RAD54L2: variants seen among roughly 807,000 people sequenced by gnomAD.
RAD54L2 encodes the protein helicase ARIP4.
In RAD54L2, 27 loss-of-function variants were observed where a neutral mutation model predicts 138.4. The ratio of observed to expected loss-of-function variants is 0.20; its 90% confidence interval spans 0.14 to 0.27. The LOEUF is 0.27. Among genes scored for constraint, RAD54L2 ranks in the 10% least tolerant of loss-of-function variants. RAD54L2 has a pLI of 1.00. For missense variants in RAD54L2, 1,396 were observed against 1,890.2 expected, an observed-to-expected ratio of 0.74 and a Z score of 4.85; for synonymous variants, 644 against 723.2, an observed-to-expected ratio of 0.89 and a Z score of 1.76.
Position 51,633,919 on chromosome 3 carries a change from T to G in RAD54L2, c.1026T>G (p.Asn342Lys). The G allele has an allele frequency of 3.1e-6, 5 of 1,613,912 alleles. No homozygotes were observed. The highest frequency in any genetic ancestry group is 2.2e-5 in the East Asian group (1 of 44,888). ...LAIVPVNTLQ[N>K]WLAEFNMWLP... is the part of the protein sequence containing the mutation. ...TCTAATAGGTTAATACTCTTCAGAA[T>G]TGGCTGGCAGAGTTCAACATGTGGC... The change falls in exon 9 of 23, where the codon AAT becomes AAG. Residue 342 changes from asparagine (N) to lysine (K), a missense_variant. Physicochemically the swap from Asn to Lys is moderately conservative, Grantham distance 94. Transcript: ENST00000684192.
At chr3:51,547,282 G>T (rs1057126458) in intron 2 of RAD54L2, among the ~76,000 whole-genome samples, 2 of 151,930 alleles carry the variant, frequency 1.3e-5, no homozygotes, top group Non-Finnish European at 2.9e-5. Context: ...AGATCGAGGC[G>T]GGACGATTGC....
intron 3 of RAD54L2, among the ~76,000 whole-genome samples, chr3:51,613,065 G>T (rs867487845): frequency 2.0e-5 from 3 of 152,118 alleles, no homozygotes; most frequent in Non-Finnish European, 2.9e-5. Flanking sequence ...TCAGCCTCCT[G>T]AGTAACTGGG....
chr3:51,545,931 C>CTTTTTTTTT (rs781819728), intron 2 of RAD54L2, among the ~76,000 whole-genome samples: 2 of 79,454 alleles, frequency 2.5e-5, no homozygotes, highest in African/African-American at 5.1e-5. Flanking sequence ...TACATCAATT[C>CTTTTTTTTT]TTTTTTTTTT....
In RAD54L2 at chr3:51,638,366, C is replaced by T. The variant is rs1250308340; in HGVS notation, c.1860+45C>T. On this transcript the variant is annotated intron_variant, in intron 12 of 22. Transcript: ENST00000684192. The surrounding 1 kb of genome is among the most constrained non-coding windows in gnomAD (Gnocchi z 4.3). ...AAGATTGAGATGGGGACTAAGGATA[C>T]ACATGGTCCCAAGGGAGTTACTCCT... 6.2e-7 allele frequency: 1 copy of T among 1,601,232 alleles called. No homozygotes were observed. Among genetic ancestry groups the T allele is most frequent in the South Asian group, 1.1e-5 (1 of 90,560 alleles).
chr3:51,612,127 A>G lies in RAD54L2; in HGVS notation c.140-15426A>G, dbSNP rs946534970. Among the ~76,000 whole-genome samples, 22 of 152,214 alleles carry G rather than the reference A, an allele frequency of 1.4e-4. 1 individual carries two copies. Among genetic ancestry groups the G allele is most frequent in the African/African-American group, 5.3e-4 (22 of 41,466 alleles). ...TGGATCTTTTCTCATAACTGATGGA[A>G]TAATGAAGTTGAGTGATTGGAGAAA... On this transcript the variant is annotated intron_variant, in intron 3 of 22. Coordinates refer to ENST00000684192, the MANE Select transcript of RAD54L2 (RefSeq NM_015106.4).
chr3:51,660,241 G>A lies in RAD54L2; in HGVS notation c.3409+123G>A, dbSNP rs1701727914. On this transcript the variant is annotated intron_variant, in intron 22 of 22. Transcript: ENST00000684192. ...CATGGTTCACAATTCAGAGTGTACA[G>A]AAAGAGGTAAAGTGAAAAGTAAGTA... 11 of 667,860 alleles carry A rather than the reference G, an allele frequency of 1.6e-5. No individual in the cohort carries two copies. In the East Asian group the frequency reaches 3.1e-4, roughly 19 times the overall value. The allele number at this position is 667,860 out of a possible 1,614,324, so 41.4% of individuals were successfully genotyped here.
intron 15 of RAD54L2, among the ~76,000 whole-genome samples, chr3:51,643,031 CTTTTT>C (rs1212581275): frequency 8.8e-6 from 1 of 113,206 alleles, no homozygotes; most frequent in Non-Finnish European, 1.7e-5. Context: ...TAACTGAAGT[CTTTTT>C]TTTTTTTTTT....
At chr3:51,581,253 A>G (rs1347700520) in intron 2 of RAD54L2, among the ~76,000 whole-genome samples, 3 of 152,136 alleles carry the variant, frequency 2.0e-5, no homozygotes, top group African/African-American at 4.8e-5. Flanking sequence ...ACGCACCACC[A>G]CAACCGGCTA....
intron 2 of RAD54L2, among the ~76,000 whole-genome samples, chr3:51,565,935 TCTC>T (rs1699207329): frequency 6.7e-6 from 1 of 148,168 alleles, no homozygotes; most frequent in African/African-American, 2.5e-5. Flanking sequence ...TTCCTCCCAT[TCTC>T]CTGCCTCAGC....
chr3:51,653,614 A>C (rs555264879), intron 19 of RAD54L2, among the ~76,000 whole-genome samples: 2 of 152,360 alleles, frequency 1.3e-5, no homozygotes, highest in Admixed American at 1.3e-4. Context: ...AAAAAGGATG[A>C]GTTCATGTCC....
At position 51,616,692 on chromosome 3, in the gene RAD54L2, G is replaced by A. The variant is rs539234067; in HGVS notation, c.140-10861G>A. Among the ~76,000 whole-genome samples the A allele has an allele frequency of 2.6e-5, 4 of 152,258 alleles. No individual in the cohort carries two copies. In the South Asian group the frequency reaches 8.3e-4, roughly 32 times the overall value. On this transcript the variant is annotated intron_variant, in intron 3 of 22. Coordinates refer to ENST00000684192, the MANE Select transcript of RAD54L2 (RefSeq NM_015106.4). ...AAAATAGAAAAATTAGCTGGGCTTG[G>A]TGGTAGGCGCCTGTAATCCCAGCCA...
At chr3:51,639,694 A>G (rs981315922) in intron 13 of RAD54L2, 24 bp downstream of exon 13, 1 of 1,611,564 alleles carries the variant, frequency 6.2e-7, no homozygotes. Flanking sequence ...ATCCTTCAGG[A>G]ACCATAAACT....
chr3:51,633,831 C>G (rs1302324200), intron 8 of RAD54L2, 71 bp from the exon 9 acceptor site: 1 of 1,602,284 alleles, frequency 6.2e-7, no homozygotes, highest in Non-Finnish European at 8.5e-7. Flanking sequence ...TACTGGGCAC[C>G]AAAAAGCTTG....
intron 21 of RAD54L2, among the ~76,000 whole-genome samples, chr3:51,659,761 T>C (rs1172090272): frequency 6.6e-6 from 1 of 152,228 alleles, no homozygotes; most frequent in Non-Finnish European, 1.5e-5. Context: ...CTAAGCTCCA[T>C]GAGACAGGGC....
At chr3:51,603,468 A>G (rs1338234585) in intron 3 of RAD54L2, among the ~76,000 whole-genome samples, 1 of 152,032 alleles carries the variant, frequency 6.6e-6, no homozygotes, top group Admixed American at 6.6e-5. Context: ...TTAGCTGAAC[A>G]TGGTGGTAGG....
chr3:51,600,533 G>A (rs548296217), intron 3 of RAD54L2, among the ~76,000 whole-genome samples: 2 of 152,306 alleles, frequency 1.3e-5, no homozygotes, highest in East Asian at 3.9e-4. Context: ...GACTCATTGA[G>A]TCTGGGAGGT....
rs1326857309 is a variant in RAD54L2, at chr3:51,664,980, G to A, written c.*1560G>A. On this transcript the variant is annotated 3_prime_UTR_variant, in exon 23 of 23. Transcript: ENST00000684192. ...TCTTCAGGTGGTCCATGTAGGCCTG[G>A]TGTCTGCTGCCTCCATCTTTGAAGG... The A allele has an allele frequency of 6.6e-6, 1 of 152,126 alleles. No individual in the cohort carries two copies. The allele number at this position is 152,126 out of a possible 1,614,324, so 9.4% of individuals were successfully genotyped here.
chr3:51,629,392 T>A lies in RAD54L2; in HGVS notation c.400T>A (p.Leu134Met). 6.2e-7 allele frequency: 1 copy of A among 1,606,072 alleles called. No individual in the cohort carries two copies. Among genetic ancestry groups the A allele is most frequent in the South Asian group, 1.1e-5 (1 of 89,306 alleles). Residue 134 changes from leucine (L) to methionine (M), a missense_variant, in exon 5 of 23, where the codon TTG becomes ATG. Leu to Met is a conservative substitution (Grantham distance 15). Coordinates refer to ENST00000684192, the MANE Select transcript of RAD54L2 (RefSeq NM_015106.4). Reference protein sequence around the residue: ...PVTKAAQQEELERRKRLEQQR... With the variant: ...PVTKAAQQEEMERRKRLEQQR... ...TACCAAAGCAGCACAGCAAGAAGAG[T>A]TGGAAAGAAGGAAGCGCCTGGAGCA...
intron 2 of RAD54L2, among the ~76,000 whole-genome samples, chr3:51,549,796 G>T (rs1021077539): frequency 1.1e-4 from 16 of 148,656 alleles, no homozygotes; most frequent in Non-Finnish European, 4.5e-5. Flanking sequence ...AAAAAAAAAA[G>T]GGGGTGGGGA....
Sources: gnomAD v4.1 joint callset for allele counts (sites outside exome capture counted in the v4.1 genomes callset) on GRCh38, gnomAD v4.1.1 for gene constraint, Gnocchi (gnomAD v3.1) non-coding constraint, MANE v1.5 for transcripts, NCBI Gene and HGNC (gene_info 2026-07-23, HGNC 2026-07-21) for gene names.